The following PRKD1 variants were observed in gnomAD, a reference collection of about 807,000 sequenced individuals.
PRKD1 encodes the protein serine/threonine-protein kinase D1.
In PRKD1, 63 loss-of-function variants were observed where a neutral mutation model predicts 95.9. The observed-to-expected ratio is 0.66, with a 90% CI of 0.54 to 0.81. PRKD1 has a LOEUF of 0.81. PRKD1 is among the 30% of genes least tolerant of loss of function. The pLI, the probability that PRKD1 is intolerant of heterozygous loss-of-function variation, is 0.00. For missense variants in PRKD1, 1,048 were observed against 1,165.3 expected, an observed-to-expected ratio of 0.90 and a Z score of 1.47; for synonymous variants, 425 against 423.1, an observed-to-expected ratio of 1.00 and a Z score of -0.05.
chr14:29,689,507 C>T (rs1884104896), intron 2 of PRKD1, among the ~76,000 whole-genome samples: 1 of 152,096 alleles, frequency 6.6e-6, no homozygotes, highest in Non-Finnish European at 1.5e-5. Flanking sequence ...AAAAGGAACA[C>T]TTTTACACTA....
intron 1 of PRKD1, among the ~76,000 whole-genome samples, chr14:29,749,931 T>C (rs574288671): frequency 1.1e-4 from 17 of 152,146 alleles, no homozygotes; most frequent in Admixed American, 9.8e-4. Flanking sequence ...AACATGAACA[T>C]TTACACAGCA....
At chr14:29,778,898 G>A (rs559050449) in intron 1 of PRKD1, among the ~76,000 whole-genome samples, 10 of 152,226 alleles carry the variant, frequency 6.6e-5, no homozygotes, top group African/African-American at 2.4e-4. Flanking sequence ...ATAAAATACT[G>A]GCAAACTGAA....
intron 17 of PRKD1, among the ~76,000 whole-genome samples, chr14:29,577,730 T>C (rs966161129): frequency 4.6e-5 from 7 of 152,324 alleles, no homozygotes; most frequent in South Asian, 4.1e-4. Context: ...CAGTATTCCT[T>C]TGAAATTTAA....
intron 11 of PRKD1, among the ~76,000 whole-genome samples, chr14:29,627,678 A>AC (rs1279766581): frequency 2.5e-5 from 3 of 119,808 alleles, no homozygotes; most frequent in Non-Finnish European, 5.3e-5. Flanking sequence ...CTGCACATGT[A>AC]CCCCAGAAGT....
At chr14:29,609,729 T>TTG in intron 13 of PRKD1, among the ~76,000 whole-genome samples, 1 of 149,012 alleles carries the variant, frequency 6.7e-6, no homozygotes, top group East Asian at 2.0e-4. Context: ...TTTTTTTTTT[T>TTG]TGTACTTTTA....
In PRKD1 at chr14:29,634,444, C is replaced by T. The variant is rs1179520663; in HGVS notation, c.1288G>A (p.Val430Ile). 6.8e-6 allele frequency: 11 copies of T among 1,613,946 alleles called. No homozygotes were observed. The highest frequency in any genetic ancestry group is 9.3e-6 in the Non-Finnish European group (11 of 1,179,970). Residue 430 changes from valine to isoleucine, a missense_variant, in exon 8 of 18, where the codon GTC (valine) becomes ATC (isoleucine). Around this residue, in one of 3 missense-constraint regions of PRKD1, gnomAD observed 739 missense variants for 861.9 expected, o/e 0.86. Transcript: ENST00000331968. ...SSTVMKEGWM[V>I]HYTSKDTLRK... ...AGCGTGTCCTTGCTGGTGTAGTGGA[C>T]CATCCATCCTTCTTTCATGACTGTG...
intron 1 of PRKD1, among the ~76,000 whole-genome samples, chr14:29,849,791 T>C (rs965547539): frequency 2.0e-5 from 3 of 151,796 alleles, no homozygotes; most frequent in Non-Finnish European, 2.9e-5. Flanking sequence ...AATATAGATA[T>C]AAAAATCCTC....
intron 13 of PRKD1, among the ~76,000 whole-genome samples, chr14:29,611,950 A>C (rs778930216): frequency 1.3e-5 from 2 of 152,172 alleles, no homozygotes; most frequent in Non-Finnish European, 2.9e-5. Context: ...TTGGCATTAG[A>C]TTTTAAGTGT....
chr14:29,885,294 T>A (rs1056476413), intron 1 of PRKD1, among the ~76,000 whole-genome samples: 1 of 152,128 alleles, frequency 6.6e-6, no homozygotes, highest in Non-Finnish European at 1.5e-5. Context: ...TCCTTGGTCC[T>A]GAGAAAATAA....
chr14:29,767,652 T>C (rs993699676), intron 1 of PRKD1, among the ~76,000 whole-genome samples: 12 of 152,194 alleles, frequency 7.9e-5, no homozygotes, highest in Non-Finnish European at 1.8e-4. Context: ...AAACTGAATA[T>C]AGTATTTCAT....
chr14:29,826,984 T>C (rs1399484914), intron 1 of PRKD1, among the ~76,000 whole-genome samples: 4 of 148,818 alleles, frequency 2.7e-5, no homozygotes, highest in African/African-American at 9.9e-5. Context: ...GAATGAAAAA[T>C]TGAACATCAT....
chr14:29,865,768 C>T (rs79158549), intron 1 of PRKD1, among the ~76,000 whole-genome samples: 2,093 of 152,262 alleles, frequency 0.014, 38 homozygotes, highest in South Asian at 0.089. Flanking sequence ...TTACCTGGGT[C>T]TTGCCACTTA....
chr14:29,605,451 T>C (rs1044906082), intron 13 of PRKD1, among the ~76,000 whole-genome samples: 1 of 152,170 alleles, frequency 6.6e-6, no homozygotes, highest in Non-Finnish European at 1.5e-5. Context: ...CTTTCTATGT[T>C]TTCATACATA....
At chr14:29,847,056 A>G (rs1892105441) in intron 1 of PRKD1, among the ~76,000 whole-genome samples, 1 of 152,152 alleles carries the variant, frequency 6.6e-6, no homozygotes, top group Non-Finnish European at 1.5e-5. Flanking sequence ...CAGGTGCCCC[A>G]GCAATTTCTG....
chr14:29,804,071 A>G (rs773660581), intron 1 of PRKD1, among the ~76,000 whole-genome samples: 13 of 151,840 alleles, frequency 8.6e-5, no homozygotes, highest in Non-Finnish European at 1.9e-4. Context: ...GCAAAACCCC[A>G]TCTCTACTAA....
intron 1 of PRKD1, among the ~76,000 whole-genome samples, chr14:29,814,806 A>G (rs1405959119): frequency 6.6e-6 from 1 of 152,180 alleles, no homozygotes; most frequent in Admixed American, 6.5e-5. Context: ...ACTCGAAACT[A>G]AGCTAATTAT....
At chr14:29,886,661 C>A (rs910166536) in intron 1 of PRKD1, among the ~76,000 whole-genome samples, 18 of 152,316 alleles carry the variant, frequency 1.2e-4, no homozygotes, top group Admixed American at 1.2e-3. Context: ...GATATCCTTT[C>A]AGCCAATTCT....
At chr14:29,840,775 T>C (rs1475682492) in intron 1 of PRKD1, among the ~76,000 whole-genome samples, 3 of 152,112 alleles carry the variant, frequency 2.0e-5, no homozygotes, top group Non-Finnish European at 4.4e-5. Flanking sequence ...TATAAAACCA[T>C]TTATAAAATC....
At chr14:29,813,459 G>T (rs1027608316) in intron 1 of PRKD1, among the ~76,000 whole-genome samples, 3 of 152,110 alleles carry the variant, frequency 2.0e-5, no homozygotes, top group African/African-American at 7.2e-5. Context: ...ACTTCCCAGA[G>T]CACCTGAGCC....
Sources: gnomAD v4.1 joint callset for allele counts (sites outside exome capture counted in the v4.1 genomes callset) on GRCh38, gnomAD v4.1.1 for gene constraint, gnomAD v4.1.1 regional missense constraint, MANE v1.5 for transcripts, NCBI Gene and HGNC (gene_info 2026-07-23, HGNC 2026-07-21) for gene names.